SLC25A48: variants seen among roughly 807,000 people sequenced by gnomAD.
SLC25A48 encodes the protein CTC-321K16.1.
SLC25A48 carries 29 observed loss-of-function variants against 32.2 expected under a neutral mutation model. The ratio of observed to expected loss-of-function variants is 0.90; its 90% CI spans 0.67 to 1.23. The LOEUF (loss-of-function observed/expected upper bound fraction) is 1.23. Among genes scored for constraint, SLC25A48 ranks in the 50% most tolerant of loss-of-function variants. The pLI, the probability that SLC25A48 is intolerant of heterozygous loss-of-function variation, is 0.00. For synonymous variants in SLC25A48, 164 were observed against 172.3 expected (o/e 0.95, Z 0.38); for missense variants, 399 against 422.7 (o/e 0.94, Z 0.49).
chr5:135,857,806 A>T (rs1202880001), intron 4 of SLC25A48, among the ~76,000 whole-genome samples: 2 of 152,056 alleles, frequency 1.3e-5, no homozygotes, highest in African/African-American at 4.8e-5. Flanking sequence ...GCTGAGGGCC[A>T]CTCAGGTCTG....
rs1481729760 is a variant in SLC25A48, at chr5:135,878,687, A to G, written c.814-1281A>G. On this transcript the variant is annotated intron_variant, in intron 6 of 7. Coordinates refer to ENST00000681962, the MANE Select transcript of SLC25A48 (RefSeq NM_001349336.2). ...GCCCAGAGACTGAGGAAACTGGGGA[A>G]ATGAAAAGGGTTGGTTTCTACCTTT... 4.6e-5 allele frequency among the ~76,000 whole-genome samples: 7 copies of G among 152,194 alleles called. 1 individual carries two copies. Among genetic ancestry groups the G allele is most frequent in the Admixed American group, 2.0e-4 (3 of 15,274 alleles).
rs778231305 is a variant in SLC25A48 at position 135,615,422 on chromosome 5, G to A, written c.-848-13815G>A. ...TTAACAAAGAGGTTGGTGGCATTGT[G>A]CTCCTTCTCTAAGAATCTGTGTAAC... On this transcript the variant is annotated intron_variant, in intron 1 of 10. Transcript: ENST00000646290. Among the ~76,000 whole-genome samples the A allele has an allele frequency of 1.1e-4, 16 of 152,320 alleles. No homozygotes were observed. The South Asian group carries it at 1.9e-3, about 18-fold the overall frequency.
intron 1 of SLC25A48, among the ~76,000 whole-genome samples, chr5:135,619,283 T>C (rs955020474): frequency 1.3e-5 from 2 of 152,190 alleles, no homozygotes; most frequent in African/African-American, 4.8e-5. Flanking sequence ...TTTGATCTAA[T>C]CTGTTATCAA....
chr5:135,701,901 A>C (rs532261635), intron 3 of SLC25A48, among the ~76,000 whole-genome samples: 5 of 152,310 alleles, frequency 3.3e-5, no homozygotes, highest in Admixed American at 3.3e-4. Flanking sequence ...TGACCATGTC[A>C]CTCTTTTGCT....
chr5:135,796,532 C>G (rs188193574), intron 3 of SLC25A48, among the ~76,000 whole-genome samples: 4 of 150,928 alleles, frequency 2.7e-5, no homozygotes, highest in African/African-American at 9.7e-5. Context: ...TGATATTACT[C>G]CCCATATCGT....
intron 6 of SLC25A48, among the ~76,000 whole-genome samples, chr5:135,879,077 T>G (rs951741618): frequency 6.6e-6 from 1 of 152,084 alleles, no homozygotes; most frequent in Admixed American, 6.5e-5. Flanking sequence ...TTGGGAAGCA[T>G]CACATAATAC....
intron 3 of SLC25A48, among the ~76,000 whole-genome samples, chr5:135,767,964 GGA>G (rs1427591473): frequency 3.4e-5 from 5 of 146,692 alleles, no homozygotes; most frequent in East Asian, 2.0e-4. Flanking sequence ...TCCGGGGGGG[GGA>G]GAGGATAATA....
chr5:135,678,407 A>T (rs993911451), intron 3 of SLC25A48, among the ~76,000 whole-genome samples: 3 of 152,008 alleles, frequency 2.0e-5, no homozygotes, highest in African/African-American at 7.2e-5. Flanking sequence ...CTCTCTGGTA[A>T]ATTTCTCATT....
At chr5:135,611,496 C>CAAAAAAAAAAAAAAAAAAAAAAA (rs57138043) in intron 1 of SLC25A48, among the ~76,000 whole-genome samples, 8 of 21,342 alleles carry the variant, frequency 3.7e-4, no homozygotes, top group Non-Finnish European at 4.1e-4. Context: ...GACTCCATCT[C>CAAAAAAAAAAAAAAAAAAAAAAA]AAAAAAAAAA....
chr5:135,675,770 A>G (rs2126945824), intron 3 of SLC25A48, among the ~76,000 whole-genome samples: 1 of 152,040 alleles, frequency 6.6e-6, no homozygotes. Context: ...GGATTGCATT[A>G]AATCTGTAGA....
intron 3 of SLC25A48, among the ~76,000 whole-genome samples, chr5:135,716,341 C>T (rs1031953831): frequency 3.3e-5 from 5 of 152,202 alleles, no homozygotes; most frequent in African/African-American, 1.2e-4. Flanking sequence ...GCTGCATTGG[C>T]TTAGACAGTT....
chr5:135,862,517 A>G (rs1760878622), intron 4 of SLC25A48, among the ~76,000 whole-genome samples: 1 of 152,194 alleles, frequency 6.6e-6, no homozygotes, highest in African/African-American at 2.4e-5. Flanking sequence ...CAGTGGGTAA[A>G]GAAGCGCTGG....
At chr5:135,757,007 A>G (rs1230457436) in intron 3 of SLC25A48, among the ~76,000 whole-genome samples, 1 of 150,570 alleles carries the variant, frequency 6.6e-6, no homozygotes, top group Non-Finnish European at 1.5e-5. Flanking sequence ...AATATTTACA[A>G]TATCTAGTAT....
chr5:135,743,074 A>C (rs1370296703), intron 3 of SLC25A48, among the ~76,000 whole-genome samples: 11 of 10,930 alleles, frequency 1.0e-3, no homozygotes, highest in African/African-American at 1.0e-3. Context: ...CCTTCCCTTC[A>C]TTTTTTTTTT....
At chr5:135,652,947 A>G (rs1753151495) in intron 3 of SLC25A48, among the ~76,000 whole-genome samples, 6 of 152,230 alleles carry the variant, frequency 3.9e-5, no homozygotes, top group Admixed American at 3.9e-4. Flanking sequence ...CAAGGTGTTT[A>G]GGTCATGAGG....
chr5:135,813,202 A>C (rs144141089), intron 4 of SLC25A48: 1 of 152,498 alleles, frequency 6.6e-6, no homozygotes, highest in Non-Finnish European at 1.5e-5. Context: ...GCCATCTCCC[A>C]AGGTTCATAA....
chr5:135,761,169 G>T (rs1756050798), intron 3 of SLC25A48, among the ~76,000 whole-genome samples: 1 of 152,048 alleles, frequency 6.6e-6, no homozygotes, highest in South Asian at 2.1e-4. Flanking sequence ...AAATTAATTA[G>T]CCGGGCATGG....
At chr5:135,796,061 GTC>G (rs1757166587) in intron 3 of SLC25A48, among the ~76,000 whole-genome samples, 1 of 151,394 alleles carries the variant, frequency 6.6e-6, no homozygotes, top group African/African-American at 2.4e-5. Context: ...AATATCCAGT[GTC>G]GGAGAGGATG....
chr5:135,601,397 T>A (rs1333760629), intron 1 of SLC25A48, among the ~76,000 whole-genome samples: 2 of 152,170 alleles, frequency 1.3e-5, no homozygotes, highest in Non-Finnish European at 2.9e-5. Flanking sequence ...TCCTGGGGAA[T>A]CTGGCCTTTC....
Sources: allele counts gnomAD v4.1 joint callset (sites outside exome capture counted in the v4.1 genomes callset), GRCh38; gene constraint gnomAD v4.1.1; transcripts MANE v1.5; gene names NCBI Gene and HGNC (gene_info 2026-07-23, HGNC 2026-07-21).